Variants in PTPRH observed in about 807,000 individuals in gnomAD.
PTPRH encodes protein tyrosine phosphatase receptor type H.
Under a neutral mutation model 130.2 loss-of-function variants are expected in PTPRH, and 113 were observed. The ratio of observed to expected loss-of-function variants is 0.87; its 90% CI spans 0.75 to 1.01. The LOEUF is 1.01. Ranked by LOEUF, PTPRH falls within the 50% of genes least tolerant of loss-of-function variation. The pLI is 0.00. For synonymous variants in PTPRH, 556 were observed against 577.9 expected (o/e 0.96, Z 0.54); for missense variants, 1,430 against 1,425.0 (o/e 1.00, Z -0.06).
intron 10 of PTPRH, among the ~76,000 whole-genome samples, chr19:55,196,120 G>C (rs1025060836): frequency 3.0e-4 from 45 of 151,966 alleles, no homozygotes; most frequent in Admixed American, 2.9e-3. Context: ...TGGCGCGGTG[G>C]CCCACACCTG....
intron 10 of PTPRH, chr19:55,194,344 C>T (rs1391518965): frequency 2.4e-6 from 3 of 1,261,642 alleles, no homozygotes; most frequent in African/African-American, 1.5e-5. Context: ...GGTCTTACAA[C>T]CTGTACGGGA....
Position 55,187,508 on chromosome 19 carries a change from C to T in PTPRH, c.2566+5G>A, listed in dbSNP as rs373900492. 7 of 1,609,650 alleles carry T rather than the reference C, an allele frequency of 4.3e-6. No individual in the cohort carries two copies. In the African/African-American group the frequency reaches 6.7e-5, roughly 15 times the overall value. ...GGACAAAAGCAGCAGGAACCCGAGA[C>T]TCACAGGGCAGCACATTTCTGTAGC... On this transcript the variant is annotated splice_donor_5th_base_variant and intron_variant, in intron 14 of 19. Coordinates refer to ENST00000376350, the MANE Select transcript of PTPRH (RefSeq NM_002842.5).
At chr19:55,190,231 G>A (rs991888278) in intron 12 of PTPRH, among the ~76,000 whole-genome samples, 2 of 150,308 alleles carry the variant, frequency 1.3e-5, no homozygotes, top group Non-Finnish European at 3.0e-5. Context: ...TTAGCTGGGC[G>A]TGGTGGTGCA....
chr19:55,192,264 T>C (rs553860889), intron 10 of PTPRH, among the ~76,000 whole-genome samples: 2 of 151,432 alleles, frequency 1.3e-5, no homozygotes, highest in South Asian at 4.2e-4. Context: ...TAGCAGGGCG[T>C]GGTGGTGGGC....
intron 18 of PTPRH, among the ~76,000 whole-genome samples, chr19:55,183,437 T>C (rs2086233271): frequency 1.3e-5 from 2 of 150,994 alleles, no homozygotes; most frequent in African/African-American, 4.9e-5. Context: ...AAATTAGCTA[T>C]TTTAAGCTGG....
intron 5 of PTPRH, among the ~76,000 whole-genome samples, chr19:55,203,498 C>T (rs1028788657): frequency 4.0e-5 from 6 of 151,446 alleles, no homozygotes; most frequent in Non-Finnish European, 5.9e-5. Flanking sequence ...TCACTGCAAC[C>T]TCTGCCTCCC....
chr19:55,186,815 T>C (rs11671059), intron 14 of PTPRH, among the ~76,000 whole-genome samples: 32,594 of 150,754 alleles, frequency 0.22, 5,084 homozygotes, highest in African/African-American at 0.41. Context: ...GAGGCTGAGG[T>C]GGGTGGATCA....
chr19:55,196,353 A>C (rs1195687896), intron 10 of PTPRH, among the ~76,000 whole-genome samples, 169 bp downstream of exon 10: 1 of 152,178 alleles, frequency 6.6e-6, no homozygotes, highest in Non-Finnish European at 1.5e-5. Context: ...GTGCCACTGC[A>C]CTCCAGCCTG....
chr19:55,182,031 C>T lies in PTPRH; in HGVS notation c.3183G>A (p.Leu1061=). ...FVRKMRESRP[L]MVQTEAQYVF... is the part of the protein sequence containing the mutation. The stretch of plus-strand genomic sequence containing the variant: ...ACTGCCTCACCTCAGTCTGCACCAT[C>T]AACGGCCGACTCTCTCTCATCTTCC... Residue 1061 remains leucine, a synonymous_variant, in exon 19 of 20, where the codon TTG becomes TTA. Coordinates refer to ENST00000376350, the MANE Select transcript of PTPRH (RefSeq NM_002842.5). The T allele has an allele frequency of 6.2e-7, 1 of 1,614,142 alleles. No homozygotes were observed. Among genetic ancestry groups the T allele is most frequent in the Non-Finnish European group, 8.5e-7 (1 of 1,179,998 alleles).
intron 9 of PTPRH, among the ~76,000 whole-genome samples, 164 bp from the exon 10 acceptor site, chr19:55,196,952 C>A (rs2086701824): frequency 6.6e-6 from 1 of 152,192 alleles, no homozygotes; most frequent in South Asian, 2.1e-4. Flanking sequence ...ACAAATAAGT[C>A]CTTTTAAACT....
At chr19:55,205,230 T>G (rs1189940679) in intron 4 of PTPRH, 96 bp downstream of exon 4, 2 of 1,551,334 alleles carry the variant, frequency 1.3e-6, no homozygotes, top group African/African-American at 2.7e-5. Flanking sequence ...TGGCTCAATG[T>G]GGCCCAGAGG....
rs1374048638 is a variant in PTPRH at position 55,209,118 on chromosome 19, G to A, written c.51+265C>T. ...CAGACACGACAGTGTCTAAGGGCCC[G>A]GGTGAAGCTGGTGTCCCCCACAACA... On this transcript the variant is annotated intron_variant, in intron 1 of 19. Transcript: ENST00000376350. The surrounding 1 kb of genome is among the most constrained non-coding windows in gnomAD (Gnocchi z 4.1). Among the ~76,000 whole-genome samples, 9 of 151,684 alleles carry A rather than the reference G, an allele frequency of 5.9e-5. No homozygotes were observed. The highest frequency in any genetic ancestry group is 5.8e-4 in the East Asian group (3 of 5,162).
chr19:55,183,672 G>A (rs766664775), intron 18 of PTPRH, among the ~76,000 whole-genome samples: 12 of 151,848 alleles, frequency 7.9e-5, no homozygotes, highest in African/African-American at 1.7e-4. Flanking sequence ...TGCAGTGAGC[G>A]GAGATCGCAC....
intron 8 of PTPRH, 97 bp downstream of exon 8, chr19:55,198,546 T>C: frequency 7.6e-7 from 1 of 1,315,032 alleles, no homozygotes; most frequent in South Asian, 1.8e-5. Flanking sequence ...GAGAGGCCCA[T>C]GGGTACTCTT....
At position 55,187,507 on chromosome 19, in the gene PTPRH, ACT is replaced by A. The variant is rs753397414; in HGVS notation, c.2566+4_2566+5del. 6.8e-6 allele frequency: 11 copies of A among 1,608,232 alleles called. No homozygotes were observed. The highest frequency in any genetic ancestry group is 1.7e-6 in the Non-Finnish European group (2 of 1,175,666). ...GGGACAAAAGCAGCAGGAACCCGAG[ACT>A]CACAGGGCAGCACATTTCTGTAGCG... On this transcript the variant is annotated splice_donor_5th_base_variant and intron_variant, in intron 14 of 19. Transcript: ENST00000376350.
Position 55,181,884 on chromosome 19 carries a change from T to C in PTPRH, c.3218A>G (p.His1073Arg). ...TTGGAGGAACCGCAGGATGCACTGA[T>C]GCAGGAATACGTACTGAGCCTGGGA... is the stretch of plus-strand genomic sequence containing the variant. ...VQTEAQYVFL[H>R]QCILRFLQQS... The change falls in exon 20 of 20, where the codon CAT (histidine) becomes CGT (arginine). Residue 1073 changes from histidine to arginine, a missense_variant. Physicochemically the swap from His to Arg is conservative, Grantham distance 29. Coordinates refer to ENST00000376350, the MANE Select transcript of PTPRH (RefSeq NM_002842.5). The C allele has an allele frequency of 6.2e-7, 1 of 1,614,196 alleles. No individual in the cohort carries two copies. Among genetic ancestry groups the C allele is most frequent in the Non-Finnish European group, 8.5e-7 (1 of 1,180,028 alleles).
chr19:55,201,645 G>A (rs898657974), intron 6 of PTPRH, among the ~76,000 whole-genome samples: 5 of 152,112 alleles, frequency 3.3e-5, no homozygotes, highest in Non-Finnish European at 7.4e-5. Flanking sequence ...TCCACATCAG[G>A]GTCATGGAGC....
At chr19:55,183,846 G>A (rs2086245411) in intron 18 of PTPRH, among the ~76,000 whole-genome samples, 1 of 152,146 alleles carries the variant, frequency 6.6e-6, no homozygotes, top group South Asian at 2.1e-4. Context: ...ACGCCCATTA[G>A]GCCGTCTCTC....
chr19:55,188,639 T>C (rs1599995484), intron 12 of PTPRH, among the ~76,000 whole-genome samples: 1 of 152,126 alleles, frequency 6.6e-6, no homozygotes, highest in South Asian at 2.1e-4. Context: ...TGGCTTGGAG[T>C]CTATATCCAC....
Sources: allele counts gnomAD v4.1 joint callset (sites outside exome capture counted in the v4.1 genomes callset), GRCh38; gene constraint gnomAD v4.1.1; non-coding constraint Gnocchi (gnomAD v3.1); transcripts MANE v1.5; gene names NCBI Gene and HGNC (gene_info 2026-07-23, HGNC 2026-07-21).